The following OVCH1 variants were observed in gnomAD, a reference collection of about 807,000 sequenced individuals.
The protein encoded by OVCH1 is ovochymase 1.
Under a neutral mutation model 138.4 loss-of-function variants are expected in OVCH1, and 139 were observed. That is an observed-to-expected ratio of 1.00 (90% CI 0.87 to 1.16). The LOEUF (loss-of-function observed/expected upper bound fraction) is 1.16, where lower values mean the gene tolerates loss of function less well. Among genes scored for constraint, OVCH1 ranks in the 50% most tolerant of loss-of-function variants. The pLI is 0.00. For synonymous variants in OVCH1, 453 were observed against 467.8 expected, an observed-to-expected ratio of 0.97 and a Z score of 0.41; for missense variants, 1,367 against 1,357.9, an observed-to-expected ratio of 1.01 and a Z score of -0.11.
intron 26 of OVCH1, among the ~76,000 whole-genome samples, chr12:29,436,903 A>G (rs1047261202): frequency 5.3e-5 from 8 of 152,220 alleles, no homozygotes; most frequent in Non-Finnish European, 8.8e-5. Context: ...AAGCTTCCAC[A>G]GCATGGAAAG....
At chr12:29,461,243 G>C (rs183515749) in intron 19 of OVCH1, among the ~76,000 whole-genome samples, 1 of 152,186 alleles carries the variant, frequency 6.6e-6, no homozygotes, top group Non-Finnish European at 1.5e-5. Context: ...GTAGGCACAC[G>C]GAGTGTTAGG....
chr12:29,445,157 T>TAC (rs529345319), intron 23 of OVCH1, 121 bp downstream of exon 23: 521 of 1,189,476 alleles, frequency 4.4e-4, no homozygotes, highest in Non-Finnish European at 5.6e-4. Context: ...TTCAAACATA[T>TAC]ACTCATTTCC....
At chr12:29,432,657 C>T (rs531066610) in intron 27 of OVCH1, among the ~76,000 whole-genome samples, 1 of 152,152 alleles carries the variant, frequency 6.6e-6, no homozygotes, top group South Asian at 2.1e-4. Flanking sequence ...GAAGTTATCA[C>T]TGTATAGATG....
chr12:29,473,549 C>T (rs1450618968), intron 14 of OVCH1, among the ~76,000 whole-genome samples: 2 of 152,072 alleles, frequency 1.3e-5, no homozygotes, highest in Admixed American at 1.3e-4. Flanking sequence ...TTGGATTTCC[C>T]ACAAGCTAAT....
At chr12:29,460,658 G>A (rs1459958023) in intron 19 of OVCH1, among the ~76,000 whole-genome samples, 1 of 151,984 alleles carries the variant, frequency 6.6e-6, no homozygotes, top group African/African-American at 2.4e-5. Context: ...AATTCACCAC[G>A]TGTATTTAGC....
At chr12:29,412,246 T>C (rs150995516), downstream of OVCH1, among the ~76,000 whole-genome samples, 85,546 of 151,784 alleles carry the variant, frequency 0.56, 26,174 homozygotes, top group Middle Eastern at 0.78. Context: ...ACTCCCTGAC[T>C]CCTTGCACTT....
intron 26 of OVCH1, among the ~76,000 whole-genome samples, chr12:29,436,798 C>G (rs1941369703): frequency 6.6e-6 from 1 of 152,164 alleles, no homozygotes; most frequent in Admixed American, 6.5e-5. Flanking sequence ...AGGAGTGAAG[C>G]TGCAGACCCT....
At chr12:29,497,659 A>C (rs764051908) in exon 1 of OVCH1, 1 of 1,613,976 alleles carries the variant, frequency 6.2e-7, no homozygotes, top group Admixed American at 1.7e-5. Flanking sequence ...AGCAACAGCA[A>C]CAAACCAGCA....
At chr12:29,456,796 A>G (rs1941963607) in intron 19 of OVCH1, among the ~76,000 whole-genome samples, 2 of 152,238 alleles carry the variant, frequency 1.3e-5, no homozygotes, top group Non-Finnish European at 2.9e-5. Flanking sequence ...ACACATGCTA[A>G]ATAAATGTTT....
At chr12:29,432,568 T>C (rs1002091254) in intron 27 of OVCH1, among the ~76,000 whole-genome samples, 1 of 152,142 alleles carries the variant, frequency 6.6e-6, no homozygotes, top group Non-Finnish European at 1.5e-5. Flanking sequence ...TCTTATTAGA[T>C]AGCCAAGTGG....
rs937171269 is a variant in OVCH1 at position 29,496,291 on chromosome 12, A to G, written c.184-13T>C. 4 of 1,577,242 alleles carry G rather than the reference A, an allele frequency of 2.5e-6. No homozygotes were observed. Among genetic ancestry groups the G allele is most frequent in the Non-Finnish European group, 2.6e-6 (3 of 1,156,416 alleles). The stretch of plus-strand genomic sequence containing the variant: ...ATTTTAGGGAGACCTACCCAAGAAG[A>G]AAGTTACAAATGCAGCTAATATGTC... On this transcript the variant is annotated splice_polypyrimidine_tract_variant and intron_variant, in intron 2 of 27. Transcript: ENST00000318184.
At chr12:29,478,378 C>T (rs1942813924) in intron 9 of OVCH1, among the ~76,000 whole-genome samples, 1 of 151,990 alleles carries the variant, frequency 6.6e-6, no homozygotes, top group African/African-American at 2.4e-5. Flanking sequence ...TCTGTATTTA[C>T]CAAATTTGGT....
chr12:29,488,287 G>C (rs972112664), intron 6 of OVCH1, among the ~76,000 whole-genome samples: 1 of 151,982 alleles, frequency 6.6e-6, no homozygotes, highest in African/African-American at 2.4e-5. Context: ...TCAGTGAATA[G>C]ACCCCTCAAG....
downstream of OVCH1, among the ~76,000 whole-genome samples, chr12:29,411,976 G>A (rs1201747459): frequency 1.0e-5 from 1 of 97,780 alleles, no homozygotes; most frequent in African/African-American, 2.7e-5. Flanking sequence ...AAGCTTCCCC[G>A]CTGCTTTATT....
At chr12:29,455,541 T>A in intron 19 of OVCH1, 136 bp from the exon 20 acceptor site, 1 of 1,023,850 alleles carries the variant, frequency 9.8e-7, no homozygotes, top group Non-Finnish European at 1.3e-6. Context: ...TCAATTTCCA[T>A]CTTTACATAC....
chr12:29,409,321 A>G (rs1244452486), downstream of OVCH1, among the ~76,000 whole-genome samples: 1 of 151,780 alleles, frequency 6.6e-6, no homozygotes, highest in Non-Finnish European at 1.5e-5. Flanking sequence ...GTTCTGCTCT[A>G]TTTTTAGTTA....
chr12:29,452,149 A>T (rs1364780707), intron 21 of OVCH1, among the ~76,000 whole-genome samples: 3 of 152,114 alleles, frequency 2.0e-5, no homozygotes, highest in Non-Finnish European at 4.4e-5. Flanking sequence ...CTTCGTCCTT[A>T]ACTCTCTCTT....
chr12:29,474,118 T>TC (rs1463104184), intron 14 of OVCH1, among the ~76,000 whole-genome samples: 1 of 144,408 alleles, frequency 6.9e-6, no homozygotes, highest in African/African-American at 2.5e-5. Flanking sequence ...TATATATCTG[T>TC]CCCTCTAAGA....
In OVCH1 at chr12:29,490,575, C is replaced by G. The variant is rs997859994; in HGVS notation, c.550+522G>C. Among the ~76,000 whole-genome samples, 3 of 152,134 alleles carry G rather than the reference C, an allele frequency of 2.0e-5. No individual in the cohort carries two copies. The East Asian group carries it at 5.8e-4, about 29-fold the overall frequency. On this transcript the variant is annotated intron_variant, in intron 5 of 27. Coordinates refer to ENST00000318184, the Ensembl canonical transcript of OVCH1. ...AGTTAACTTTTTTGTAGTGAGAATA[C>G]TTAACATTTACTCTCTTGGCAAATT...
Sources: gnomAD v4.1 joint callset for allele counts (sites outside exome capture counted in the v4.1 genomes callset) on GRCh38, gnomAD v4.1.1 for gene constraint, MANE v1.5 for transcripts, NCBI Gene and HGNC (gene_info 2026-07-23, HGNC 2026-07-21) for gene names.